SH3TC1: variants seen among roughly 807,000 people sequenced by gnomAD.
SH3TC1 encodes the protein SH3 domain and tetratricopeptide repeat-containing protein 1.
SH3TC1 carries 135 observed loss-of-function variants against 117.3 expected under a neutral mutation model. The ratio of observed to expected loss-of-function variants is 1.15; its 90% CI spans 1.00 to 1.33. The LOEUF is 1.33. SH3TC1 is among the 40% of genes most tolerant of loss of function. SH3TC1 has a pLI of 0.00. For missense variants in SH3TC1, 2,092 were observed against 1,794.3 expected (o/e 1.17, Z -3.00); for synonymous variants, 898 against 816.9 (o/e 1.10, Z -1.69).
At chr4:8,239,301 GCA>G (rs773349385) in intron 17 of SH3TC1, among the ~76,000 whole-genome samples, 3 of 136,236 alleles carry the variant, frequency 2.2e-5, no homozygotes, top group Admixed American at 8.0e-5. Flanking sequence ...GCACACATGA[GCA>G]CACACAGGCA....
In SH3TC1 at chr4:8,209,951, G is replaced by C. The variant is rs926776574; in HGVS notation, c.247+129G>C. The C allele has an allele frequency of 2.8e-5, 27 of 954,978 alleles. No individual in the cohort carries two copies. Among genetic ancestry groups the C allele is most frequent in the Non-Finnish European group, 4.2e-5 (27 of 642,950 alleles). The allele number at this position is 954,978 out of a possible 1,614,324, so 59.2% of individuals were successfully genotyped here. ...AGACTTCCCACCTTAAAATCATGATGGGAATAGAAAGAAGGGTTTGTTAAA... is the reference window on the plus strand; with the variant it reads ...AGACTTCCCACCTTAAAATCATGATCGGAATAGAAAGAAGGGTTTGTTAAA... On this transcript the variant is annotated intron_variant, in intron 3 of 17. Transcript: ENST00000245105. This position sits in a 1 kb window ranked among gnomAD's most constrained non-coding sequence, Gnocchi z 5.9.
intron 10 of SH3TC1, 102 bp downstream of exon 10, chr4:8,223,072 G>A: frequency 1.4e-6 from 2 of 1,458,054 alleles, no homozygotes; most frequent in South Asian, 1.3e-5. Flanking sequence ...GCCCCTGGAT[G>A]CTGAAAGGTG....
intron 6 of SH3TC1, among the ~76,000 whole-genome samples, chr4:8,216,672 T>TG (rs35752656): frequency 0.27 from 40,347 of 151,982 alleles, 6,233 homozygotes; most frequent in Non-Finnish European, 0.36. Context: ...AGAAGGGCCC[T>TG]GGGGGTCCCA....
In SH3TC1 at chr4:8,241,059, G is replaced by A. The variant is rs1206947783; in HGVS notation, c.*104G>A. On this transcript the variant is annotated 3_prime_UTR_variant, in exon 18 of 18. Transcript: ENST00000245105. ...TCTGGCAAATGGAGGCACGAACGCA[G>A]GGGCCAAATAGCAATAAATGGGTTT... 9 of 1,487,764 alleles carry A rather than the reference G, an allele frequency of 6.0e-6. No individual in the cohort carries two copies. Among genetic ancestry groups the A allele is most frequent in the Non-Finnish European group, 3.6e-6 (4 of 1,111,006 alleles). 92.2% of individuals were successfully genotyped at this position (1,487,764 alleles called of 1,614,324 possible).
rs1338996694 is a variant in SH3TC1 at position 8,192,250 on chromosome 4, C to G, written c.-57+10040C>G. 1.3e-5 allele frequency among the ~76,000 whole-genome samples: 2 copies of G among 151,924 alleles called. No homozygotes were observed. Among genetic ancestry groups the G allele is most frequent in the African/African-American group, 4.8e-5 (2 of 41,362 alleles). ...CTCAAGTGATCTGCACCCCCCTCGG[C>G]CTCCCAAAGTGCTGGGATTACAGGC... On this transcript the variant is annotated intron_variant, in intron 1 of 16. Coordinates refer to the SH3TC1 transcript ENST00000508641. The surrounding 1 kb of genome is among the most constrained non-coding windows in gnomAD (Gnocchi z 4.1).
intron 15 of SH3TC1, chr4:8,235,787 C>G: frequency 2.1e-6 from 1 of 466,508 alleles, no homozygotes; most frequent in Non-Finnish European, 3.6e-6. Context: ...TGATCTCAAG[C>G]AACCTTGAGT....
chr4:8,187,498 T>A (rs939610871), intron 1 of SH3TC1, among the ~76,000 whole-genome samples: 25 of 152,130 alleles, frequency 1.6e-4, no homozygotes, highest in Non-Finnish European at 1.5e-5. Context: ...TACCCAGCTA[T>A]CCCATGACTT....
rs1050395109 is a variant in SH3TC1 at position 8,228,360 on chromosome 4, C to T, written c.2666C>T (p.Ala889Val). Residue 889 changes from alanine to valine, a missense_variant, in exon 12 of 18, where the codon GCC becomes GTC. Ala to Val is a moderately conservative substitution (Grantham distance 64). Transcript: ENST00000245105. ...TRQAAESYYRALRVARDLGQQ... is the reference protein window; with the variant it reads ...TRQAAESYYRVLRVARDLGQQ... ...CAGGCAGCTGAGAGCTACTACCGCG[C>T]CCTGCGGGTGGCTCGGGACCTGGGC... 6.2e-7 allele frequency: 1 copy of T among 1,611,696 alleles called. No individual in the cohort carries two copies. Among genetic ancestry groups the T allele is most frequent in the Non-Finnish European group, 8.5e-7 (1 of 1,179,758 alleles).
chr4:8,234,111 G>C (rs988215666), intron 14 of SH3TC1, among the ~76,000 whole-genome samples: 1 of 140,516 alleles, frequency 7.1e-6, no homozygotes, highest in Non-Finnish European at 1.5e-5. Context: ...CCATTCACCT[G>C]TTGATCCTTC....
chr4:8,231,241 T>C (rs983026855), intron 12 of SH3TC1: 7 of 152,422 alleles, frequency 4.6e-5, no homozygotes, highest in African/African-American at 1.7e-4. Context: ...CCAGTACAAC[T>C]GAAGAACACT....
chr4:8,239,472 GCA>G (rs961864545), intron 17 of SH3TC1, among the ~76,000 whole-genome samples: 6 of 145,744 alleles, frequency 4.1e-5, no homozygotes, highest in Non-Finnish European at 7.5e-5. Flanking sequence ...ACAGGCATAT[GCA>G]CACATAGGCA....
At chr4:8,236,505 C>T in intron 16 of SH3TC1, 77 bp downstream of exon 16, 1 of 1,405,646 alleles carries the variant, frequency 7.1e-7, no homozygotes, top group Non-Finnish European at 9.3e-7. Context: ...AGGGCAGGAG[C>T]CGAAACAGCT....
Position 8,231,965 on chromosome 4 carries a change from C to T in SH3TC1, c.2951-11C>T. ...GGGAGGCTGACGTCTTCCTTTTTGT[C>T]TTCTGCCCAGGCCAGCTGCGGGCCG... On this transcript the variant is annotated splice_polypyrimidine_tract_variant and intron_variant, in intron 12 of 17. Transcript: ENST00000245105. 2 of 1,609,466 alleles carry T rather than the reference C, an allele frequency of 1.2e-6. No homozygotes were observed. Among genetic ancestry groups the T allele is most frequent in the Non-Finnish European group, 8.5e-7 (1 of 1,179,714 alleles).
chr4:8,220,067 A>G (rs3101828), intron 9 of SH3TC1, among the ~76,000 whole-genome samples: 152,221 of 152,314 alleles, frequency 1, 76,064 homozygotes, highest in Middle Eastern at 1. Flanking sequence ...ATCTCCTAGC[A>G]CCCATCCAAC....
At position 8,209,745 on chromosome 4, in the gene SH3TC1, C is replaced by T; in HGVS notation, c.173-3C>T. 3.7e-6 allele frequency: 6 copies of T among 1,613,772 alleles called. No homozygotes were observed. Among genetic ancestry groups the T allele is most frequent in the Non-Finnish European group, 5.1e-6 (6 of 1,179,984 alleles). ...CTAATCCTGGGAACCTGCTGTGTTG[C>T]AGACGAGGCTCCTCCTGCCCGCGTG... On this transcript the variant is annotated splice_polypyrimidine_tract_variant and splice_region_variant and intron_variant, in intron 2 of 17. Coordinates refer to ENST00000245105, the MANE Select transcript of SH3TC1 (RefSeq NM_018986.5). The surrounding 1 kb of genome is among the most constrained non-coding windows in gnomAD (Gnocchi z 5.9).
At chr4:8,195,135 C>T (rs140820947), upstream of SH3TC1, among the ~76,000 whole-genome samples, 98 of 152,326 alleles carry the variant, frequency 6.4e-4, no homozygotes, top group African/African-American at 2.3e-3. Flanking sequence ...AAGCTGGTGG[C>T]GCCATCAGCA....
intron 11 of SH3TC1, among the ~76,000 whole-genome samples, chr4:8,226,521 A>G (rs1720471037): frequency 6.6e-6 from 1 of 152,220 alleles, no homozygotes; most frequent in Admixed American, 6.5e-5. Flanking sequence ...CTGGCTGTTG[A>G]GGATTTCATG....
chr4:8,209,511 G>A lies in SH3TC1; in HGVS notation c.173-237G>A, dbSNP rs1012070656. 6.3e-5 allele frequency: 50 copies of A among 790,920 alleles called. No homozygotes were observed. The highest frequency in any genetic ancestry group is 4.8e-4 in the South Asian group (28 of 58,522). 49.0% of individuals were successfully genotyped at this position (790,920 alleles called of 1,614,324 possible). On this transcript the variant is annotated intron_variant, in intron 2 of 17. Transcript: ENST00000245105. The surrounding 1 kb of genome is among the most constrained non-coding windows in gnomAD (Gnocchi z 5.9). ...TGAGAGCGGCGGGATCATACGAGTC[G>A]TGTGGTCTTAAGCCTCTGAGTGTGG...
chr4:8,216,931 C>T (rs113951744), intron 6 of SH3TC1, 26 bp from the exon 7 acceptor site: 3 of 1,610,096 alleles, frequency 1.9e-6, no homozygotes, highest in Non-Finnish European at 8.5e-7. Flanking sequence ...CGGCCACCCT[C>T]AGTGACCACC....
Sources: gnomAD v4.1 joint callset for allele counts (sites outside exome capture counted in the v4.1 genomes callset) on GRCh38, gnomAD v4.1.1 for gene constraint, Gnocchi (gnomAD v3.1) non-coding constraint, MANE v1.5 for transcripts, NCBI Gene and HGNC (gene_info 2026-07-23, HGNC 2026-07-21) for gene names.